SNAPC1: variants seen among roughly 807,000 people sequenced by gnomAD.
SNAPC1 encodes snRNA-activating protein complex subunit 1.
Under a neutral mutation model 50.1 loss-of-function variants are expected in SNAPC1, and 42 were observed. The ratio of observed to expected loss-of-function variants is 0.84; its 90% CI spans 0.65 to 1.08. SNAPC1 has a LOEUF of 1.08. Among genes scored for constraint, SNAPC1 ranks in the 50% least tolerant of loss-of-function variants. The pLI is 0.00. For missense variants in SNAPC1, 477 were observed against 427.3 expected (o/e 1.12, Z -1.02); for synonymous variants, 164 against 144.2 (o/e 1.14, Z -0.98).
At chr14:61,788,258 G>A (rs994279565) in intron 8 of SNAPC1, among the ~76,000 whole-genome samples, 1 of 152,106 alleles carries the variant, frequency 6.6e-6, no homozygotes, top group Admixed American at 6.5e-5. Flanking sequence ...ATCCAGCTAA[G>A]GTATTGTAAA....
chr14:61,790,740 T>C (rs2045146296), intron 8 of SNAPC1, among the ~76,000 whole-genome samples: 2 of 152,248 alleles, frequency 1.3e-5, no homozygotes, highest in African/African-American at 4.8e-5. Context: ...AATCCAAGCC[T>C]GATTCTTTAA....
chr14:61,787,677 A>G (rs368100892), intron 8 of SNAPC1, among the ~76,000 whole-genome samples: 1 of 152,360 alleles, frequency 6.6e-6, no homozygotes, highest in African/African-American at 2.4e-5. Flanking sequence ...TGCCGCTGGG[A>G]TTGGCCAAGT....
At chr14:61,764,408 G>T (rs1032372752) in intron 1 of SNAPC1, among the ~76,000 whole-genome samples, 5 of 152,152 alleles carry the variant, frequency 3.3e-5, no homozygotes, top group African/African-American at 1.2e-4. Context: ...AGGATGAAGA[G>T]CTGTTTGTTG....
intron 8 of SNAPC1, among the ~76,000 whole-genome samples, chr14:61,789,488 C>G (rs1010627163): frequency 4.6e-5 from 7 of 151,940 alleles, no homozygotes; most frequent in Admixed American, 4.6e-4. Context: ...GAGAAACTAC[C>G]CATAAATGTC....
At chr14:61,772,271 G>T (rs373394960) in intron 4 of SNAPC1, among the ~76,000 whole-genome samples, 4 of 151,672 alleles carry the variant, frequency 2.6e-5, no homozygotes, top group African/African-American at 9.7e-5. Flanking sequence ...TTTCCGAGAC[G>T]GTGTCTTGCT....
Position 61,767,318 on chromosome 14 carries a change from A to G in SNAPC1, c.395A>G (p.Asp132Gly). The change falls in exon 3 of 10, where the codon GAC (aspartate) becomes GGC (glycine). Residue 132 changes from aspartate (D) to glycine (G), a missense_variant. Transcript: ENST00000216294. ...TATATTTTTAGGAAGCTACGACTAG[A>G]CAGAGCATTTCACTTTACAGCAATG... ...AAYIFRKLRLDRAFHFTAMPK... is the reference protein window; with the variant it reads ...AAYIFRKLRLGRAFHFTAMPK... The G allele has an allele frequency of 6.6e-7, 1 of 1,509,308 alleles. No individual in the cohort carries two copies. The highest frequency in any genetic ancestry group is 1.4e-5 in the African/African-American group (1 of 69,984). 93.5% of individuals were successfully genotyped at this position (1,509,308 alleles called of 1,614,324 possible).
At chr14:61,794,886 TTTTTTTTGTTTG>T in intron 9 of SNAPC1, 51 bp from the exon 10 acceptor site, 1 of 1,147,474 alleles carries the variant, frequency 8.7e-7, no homozygotes, top group Non-Finnish European at 1.3e-6. Context: ...GTGTCAGTTG[TTTTTTTTGTTTG>T]TTTTTTTTTT....
At chr14:61,782,957 A>G (rs761692408) in intron 8 of SNAPC1, among the ~76,000 whole-genome samples, 2 of 152,106 alleles carry the variant, frequency 1.3e-5, no homozygotes, top group Non-Finnish European at 2.9e-5. Flanking sequence ...TAACTTGTCT[A>G]AAGTGATATA....
At chr14:61,762,660 G>T in intron 1 of SNAPC1, 72 bp downstream of exon 1, 3 of 1,568,336 alleles carry the variant, frequency 1.9e-6, no homozygotes, top group Non-Finnish European at 2.6e-6. Context: ...CCTTCCCGGC[G>T]ATATTGCACT....
At chr14:61,779,420 C>G (rs1489048075) in intron 7 of SNAPC1, among the ~76,000 whole-genome samples, 1 of 151,852 alleles carries the variant, frequency 6.6e-6, no homozygotes, top group Non-Finnish European at 1.5e-5. Flanking sequence ...TTTTTCTCTT[C>G]TATTTCCAGT....
chr14:61,774,163 T>C (rs1034450580), intron 4 of SNAPC1, among the ~76,000 whole-genome samples: 8 of 140,800 alleles, frequency 5.7e-5, no homozygotes, highest in African/African-American at 2.2e-4. Context: ...AATTTTCTTC[T>C]TCTTTTTTTT....
chr14:61,771,896 T>G (rs2044993828), intron 4 of SNAPC1, among the ~76,000 whole-genome samples: 1 of 152,110 alleles, frequency 6.6e-6, no homozygotes, highest in Non-Finnish European at 1.5e-5. Flanking sequence ...GAGAGCATCA[T>G]GGGGATCAGG....
chr14:61,782,345 G>GA lies in SNAPC1; in HGVS notation c.926dup (p.Lys310GlufsTer27). ...AAGTCAAAGCAACTAGGAAAAAAGA[G>GA]AAGAAAGAAAGATTGAAACCAGCAG... On this transcript the variant is annotated frameshift_variant, in exon 8 of 10. Transcript: ENST00000216294. LOFTEE classifies it high-confidence loss of function. 6.2e-7 allele frequency: 1 copy of GA among 1,613,612 alleles called. No homozygotes were observed. The highest frequency in any genetic ancestry group is 8.5e-7 in the Non-Finnish European group (1 of 1,179,806).
At chr14:61,782,874 C>T (rs1463347247) in intron 8 of SNAPC1, among the ~76,000 whole-genome samples, 1 of 151,956 alleles carries the variant, frequency 6.6e-6, no homozygotes, top group Non-Finnish European at 1.5e-5. Flanking sequence ...TCACTTCACT[C>T]CAGCATAGGT....
intron 8 of SNAPC1, among the ~76,000 whole-genome samples, chr14:61,788,310 A>T (rs2140185319): frequency 6.6e-6 from 1 of 152,326 alleles, no homozygotes; most frequent in Non-Finnish European, 1.5e-5. Flanking sequence ...TAAAGACCCA[A>T]ATGCTTACTT....
chr14:61,765,112 CTATAA>C, intron 1 of SNAPC1, among the ~76,000 whole-genome samples: 1 of 152,258 alleles, frequency 6.6e-6, no homozygotes, highest in Middle Eastern at 3.4e-3. Flanking sequence ...ACATAGAAAC[CTATAA>C]TATGCACAAA....
At chr14:61,773,826 G>A (rs533010174) in intron 4 of SNAPC1, among the ~76,000 whole-genome samples, 7 of 150,998 alleles carry the variant, frequency 4.6e-5, no homozygotes, top group East Asian at 2.0e-4. Flanking sequence ...TCCTTCCTCC[G>A]CCTCCCGAGT....
intron 1 of SNAPC1, 35 bp downstream of exon 1, chr14:61,762,623 G>T: frequency 6.2e-7 from 1 of 1,611,338 alleles, no homozygotes; most frequent in Non-Finnish European, 8.5e-7. Context: ...GCCTCTCCCT[G>T]CCCGCAGGTG....
intron 9 of SNAPC1, among the ~76,000 whole-genome samples, chr14:61,794,408 T>G (rs2045173650): frequency 6.6e-6 from 1 of 151,918 alleles, no homozygotes; most frequent in African/African-American, 2.4e-5. Context: ...GTTTTTTTTG[T>G]TTGTTTGTTT....
Sources: allele counts gnomAD v4.1 joint callset (sites outside exome capture counted in the v4.1 genomes callset), GRCh38; gene constraint gnomAD v4.1.1; transcripts MANE v1.5; gene names NCBI Gene and HGNC (gene_info 2026-07-23, HGNC 2026-07-21).